The following ANAPC10 variants were observed in gnomAD, a reference collection of about 807,000 sequenced individuals.
ANAPC10 encodes the protein anaphase promoting complex subunit 10.
A neutral mutation model predicts 22.0 loss-of-function variants in ANAPC10; 12 were observed. That is an observed-to-expected ratio of 0.55 (90% CI 0.35 to 0.88). The LOEUF is 0.88. Among genes scored for constraint, ANAPC10 ranks in the 40% least tolerant of loss-of-function variants. The pLI, the probability that ANAPC10 is intolerant of heterozygous loss-of-function variation, is 0.01. For missense variants in ANAPC10, 188 were observed against 220.9 expected, an observed-to-expected ratio of 0.85 and a Z score of 0.94; for synonymous variants, 65 against 69.5, an observed-to-expected ratio of 0.94 and a Z score of 0.32.
intron 2 of ANAPC10, among the ~76,000 whole-genome samples, chr4:145,092,254 A>T (rs1290582314): frequency 6.6e-6 from 1 of 152,156 alleles, no homozygotes; most frequent in Admixed American, 6.5e-5. Flanking sequence ...GGTGCAGCAA[A>T]TCACCATGGG....
chr4:145,063,452 T>C (rs1484716595), intron 4 of ANAPC10, among the ~76,000 whole-genome samples: 3 of 123,826 alleles, frequency 2.4e-5, no homozygotes, highest in Non-Finnish European at 5.1e-5. Flanking sequence ...TTAAGTATTT[T>C]ATTACTAACT....
At chr4:145,011,333 T>C (rs2126923340) in intron 4 of ANAPC10, among the ~76,000 whole-genome samples, 1 of 66,106 alleles carries the variant, frequency 1.5e-5, no homozygotes, top group Admixed American at 2.2e-4. Context: ...TGAGACTGTC[T>C]TAAAAAATAA....
In ANAPC10 at chr4:145,040,058, T is replaced by C. The variant is rs2127129492; in HGVS notation, c.327+24514A>G. 2.0e-5 allele frequency among the ~76,000 whole-genome samples: 3 copies of C among 152,250 alleles called. No individual in the cohort carries two copies. The South Asian group carries it at 6.2e-4, about 32-fold the overall frequency. On this transcript the variant is annotated intron_variant, in intron 4 of 4. Coordinates refer to ENST00000507656, the MANE Select transcript of ANAPC10 (RefSeq NM_001256706.2). ...CAAAGAAATAAACAGTTAGATGTAATGAAAACTCTTAATTTCATGAGATTA... is the reference window on the plus strand; with the variant it reads ...CAAAGAAATAAACAGTTAGATGTAACGAAAACTCTTAATTTCATGAGATTA...
rs1203858529 is a variant in ANAPC10, at chr4:145,026,920, C to CATATATACATATATATATAT, written c.328-31318_328-31317insATATATATATATGTATATAT. 6.8e-3 allele frequency among the ~76,000 whole-genome samples: 115 copies of CATATATACATATATATATAT among 17,022 alleles called. 18 individuals are homozygous for CATATATACATATATATATAT. The highest frequency in any genetic ancestry group is 0.012 in the Non-Finnish European group (79 of 6,730). 11.2% of individuals were successfully genotyped at this position (17,022 alleles called of 152,430 possible). The stretch of plus-strand genomic sequence containing the variant: ...CAAATGAAGTTTTTGCCTATACATA[C>CATATATACATATATATATAT]ATATATATATATATATATATATATA... On this transcript the variant is annotated intron_variant, in intron 4 of 4. Coordinates refer to ENST00000507656, the MANE Select transcript of ANAPC10 (RefSeq NM_001256706.2).
At chr4:145,086,002 T>C (rs763631439) in intron 2 of ANAPC10, among the ~76,000 whole-genome samples, 1 of 152,088 alleles carries the variant, frequency 6.6e-6, no homozygotes, top group African/African-American at 2.4e-5. Context: ...TGGCTGAAGC[T>C]CACCTTTGCA....
chr4:145,085,003 C>T (rs1176697522), intron 2 of ANAPC10, among the ~76,000 whole-genome samples: 4 of 152,172 alleles, frequency 2.6e-5, no homozygotes, highest in African/African-American at 7.2e-5. Flanking sequence ...AATCATGCTT[C>T]GTTCTTTACA....
At chr4:145,004,089 T>C (rs1212176810) in intron 4 of ANAPC10, among the ~76,000 whole-genome samples, 1 of 152,172 alleles carries the variant, frequency 6.6e-6, no homozygotes, top group Non-Finnish European at 1.5e-5. Flanking sequence ...GGCAGGTTTT[T>C]CTCTCTGTGG....
chr4:144,996,775 A>G (rs572687313), intron 4 of ANAPC10, among the ~76,000 whole-genome samples: 50 of 152,274 alleles, frequency 3.3e-4, no homozygotes, highest in Middle Eastern at 3.4e-3. Context: ...ATGATCAGAA[A>G]TAACAAACTT....
In ANAPC10 at chr4:145,045,713, A is replaced by T. The variant is rs1478420877; in HGVS notation, c.327+18859T>A. 2.6e-5 allele frequency among the ~76,000 whole-genome samples: 4 copies of T among 152,086 alleles called. No homozygotes were observed. The East Asian group carries it at 7.7e-4, about 29-fold the overall frequency. On this transcript the variant is annotated intron_variant, in intron 4 of 4. Transcript: ENST00000507656. ...CTTGCATCCACATGTACCTGTTCAC[A>T]TACACACATACTCATCTAAAATGTC...
In ANAPC10 at chr4:145,097,496, G is replaced by C. The variant is rs1029105886; in HGVS notation, c.-13+624C>G. ...AATAGGTGCAATAGTTCTGCATACC[G>C]TTTCCTTGACACCTCCCATTGTATC... On this transcript the variant is annotated intron_variant, in intron 1 of 4. Coordinates refer to ENST00000507656, the MANE Select transcript of ANAPC10 (RefSeq NM_001256706.2). The C allele has an allele frequency of 2.3e-6, 3 of 1,287,036 alleles. No homozygotes were observed. The African/African-American group carries it at 4.6e-5, about 20-fold the overall frequency. The allele number at this position is 1,287,036 out of a possible 1,614,324, so 79.7% of individuals were successfully genotyped here.
Position 145,052,604 on chromosome 4 carries a change from A to G in ANAPC10, c.327+11968T>C, listed in dbSNP as rs532100130. Reference sequence around the variant, plus strand: ...AAAATTAGGGAGGTTTTCCTATTTAAAAAAAATATCGGGGGCTGGGTGCGG... The same window carrying G: ...AAAATTAGGGAGGTTTTCCTATTTAGAAAAAATATCGGGGGCTGGGTGCGG... On this transcript the variant is annotated intron_variant, in intron 4 of 4. Coordinates refer to ENST00000507656, the MANE Select transcript of ANAPC10 (RefSeq NM_001256706.2). Among the ~76,000 whole-genome samples the G allele has an allele frequency of 1.0e-3, 158 of 152,036 alleles. 4 individuals are homozygous for G. In the South Asian group the frequency reaches 0.032, roughly 31 times the overall value.
At chr4:145,092,793 T>G (rs1445921556) in intron 2 of ANAPC10, among the ~76,000 whole-genome samples, 1 of 152,160 alleles carries the variant, frequency 6.6e-6, no homozygotes, top group East Asian at 1.9e-4. Flanking sequence ...GGAAAGGACT[T>G]AAGCTACTGT....
chr4:145,059,933 G>A (rs367846593), intron 4 of ANAPC10, among the ~76,000 whole-genome samples: 35 of 151,928 alleles, frequency 2.3e-4, no homozygotes, highest in Admixed American at 1.2e-3. Context: ...ATGCTAAAAC[G>A]CAAGGGATTT....
chr4:145,065,533 C>A (rs566131788), intron 3 of ANAPC10, among the ~76,000 whole-genome samples: 1 of 152,014 alleles, frequency 6.6e-6, no homozygotes, highest in Non-Finnish European at 1.5e-5. Context: ...AACACAATCA[C>A]TCAAAAATTG....
intron 4 of ANAPC10, among the ~76,000 whole-genome samples, chr4:145,055,878 T>C (rs570215874): frequency 6.2e-4 from 94 of 152,340 alleles, no homozygotes; most frequent in African/African-American, 2.2e-3. Flanking sequence ...CTGAACTAAC[T>C]ACATAAAAAA....
chr4:145,009,143 T>C (rs1733894128), intron 4 of ANAPC10, among the ~76,000 whole-genome samples: 1 of 152,016 alleles, frequency 6.6e-6, no homozygotes, highest in Non-Finnish European at 1.5e-5. Flanking sequence ...GTGAAGGACC[T>C]CTTCAGGAAC....
At chr4:145,024,076 T>C (rs1235528700) in intron 4 of ANAPC10, among the ~76,000 whole-genome samples, 1 of 152,232 alleles carries the variant, frequency 6.6e-6, no homozygotes, top group Non-Finnish European at 1.5e-5. Flanking sequence ...AACTACTTTC[T>C]TTGCTCATCA....
At chr4:145,002,277 T>C (rs577124663) in intron 4 of ANAPC10, among the ~76,000 whole-genome samples, 2 of 152,136 alleles carry the variant, frequency 1.3e-5, no homozygotes, top group South Asian at 4.1e-4. Context: ...AAGTTCCAAA[T>C]GTGTTAAAAG....
In ANAPC10 at chr4:144,995,552, T is replaced by C; in HGVS notation, c.379A>G (p.Asn127Asp). The change falls in exon 5 of 5, where the codon AAT becomes GAT. Residue 127 changes from asparagine (N) to aspartate (D), a missense_variant. By Grantham distance (23) the Asn-to-Asp change is conservative. Transcript: ENST00000507656. Reference sequence around the variant, plus strand: ...AATGTACGAGTTGGCTTCTTATGATTGTCAGTTAAGGGAACATGAATCCAG... The same window carrying C: ...AATGTACGAGTTGGCTTCTTATGATCGTCAGTTAAGGGAACATGAATCCAG... ...SGWIHVPLTD[N>D]HKKPTRTFMI... is the part of the protein sequence containing the mutation. The C allele has an allele frequency of 1.2e-6, 2 of 1,613,830 alleles. No homozygotes were observed. The highest frequency in any genetic ancestry group is 1.7e-6 in the Non-Finnish European group (2 of 1,179,882).
Sources: allele counts gnomAD v4.1 joint callset (sites outside exome capture counted in the v4.1 genomes callset), GRCh38; gene constraint gnomAD v4.1.1; transcripts MANE v1.5; gene names NCBI Gene and HGNC (gene_info 2026-07-23, HGNC 2026-07-21).